GRM8: variants seen among roughly 807,000 people sequenced by gnomAD.
The protein encoded by GRM8 is metabotropic glutamate receptor 8.
A neutral mutation model predicts 87.2 loss-of-function variants in GRM8; 47 were observed. The ratio of observed to expected loss-of-function variants is 0.54; its 90% CI spans 0.43 to 0.69. The LOEUF (loss-of-function observed/expected upper bound fraction) is 0.69, where lower values mean the gene tolerates loss of function less well. GRM8 is among the 30% of genes least tolerant of loss of function. GRM8 has a pLI of 0.00. For synonymous variants in GRM8, 396 were observed against 404.5 expected, an observed-to-expected ratio of 0.98 and a Z score of 0.25; for missense variants, 1,019 against 1,139.2, an observed-to-expected ratio of 0.89 and a Z score of 1.52.
chr7:126,471,573 A>G (rs897575020), intron 9 of GRM8, among the ~76,000 whole-genome samples: 3 of 151,968 alleles, frequency 2.0e-5, no homozygotes, highest in Admixed American at 6.6e-5. Context: ...TACCAGTACC[A>G]TGCTTCTTTG....
At chr7:126,678,036 T>TA (rs1807171035) in intron 7 of GRM8, among the ~76,000 whole-genome samples, 1 of 152,210 alleles carries the variant, frequency 6.6e-6, no homozygotes, top group Non-Finnish European at 1.5e-5. Flanking sequence ...TGATGGTAGT[T>TA]ATGATGGTGT....
At chr7:126,861,073 A>T (rs1798096808) in intron 6 of GRM8, among the ~76,000 whole-genome samples, 1 of 152,098 alleles carries the variant, frequency 6.6e-6, no homozygotes, top group African/African-American at 2.4e-5. Context: ...ATTCCATACC[A>T]GCTAGCTATT....
chr7:126,796,140 G>A (rs1020996554), intron 6 of GRM8, among the ~76,000 whole-genome samples: 1 of 151,850 alleles, frequency 6.6e-6, no homozygotes, highest in African/African-American at 2.4e-5. Flanking sequence ...TCTTCATAAC[G>A]TACCTTTGTA....
chr7:126,499,827 T>A (rs1809369233), intron 9 of GRM8, among the ~76,000 whole-genome samples: 1 of 151,862 alleles, frequency 6.6e-6, no homozygotes, highest in Non-Finnish European at 1.5e-5. Flanking sequence ...AAGGAAATGT[T>A]GGTCAATTAG....
intron 9 of GRM8, among the ~76,000 whole-genome samples, chr7:126,497,458 C>T (rs1808931227): frequency 6.6e-6 from 1 of 151,904 alleles, no homozygotes. Context: ...CCTGAAGTTA[C>T]TAATTTCTAA....
chr7:126,467,610 T>C (rs1385401116), intron 9 of GRM8, among the ~76,000 whole-genome samples: 1 of 152,026 alleles, frequency 6.6e-6, no homozygotes, highest in African/African-American at 2.4e-5. Flanking sequence ...GTATAGTTAG[T>C]CTAGTTCCTT....
chr7:126,966,007 A>T (rs1809813040), intron 3 of GRM8, among the ~76,000 whole-genome samples: 1 of 152,160 alleles, frequency 6.6e-6, no homozygotes, highest in African/African-American at 2.4e-5. Flanking sequence ...AAAAAATATC[A>T]TTCAAATTAT....
chr7:127,138,375 C>A (rs1390793062), intron 2 of GRM8, among the ~76,000 whole-genome samples: 2 of 152,078 alleles, frequency 1.3e-5, no homozygotes, highest in African/African-American at 4.8e-5. Context: ...CCTTTCCATT[C>A]CCCACACAGG....
chr7:126,942,370 A>G (rs578142800), intron 3 of GRM8, among the ~76,000 whole-genome samples: 54 of 152,220 alleles, frequency 3.5e-4, no homozygotes, highest in African/African-American at 1.3e-3. Context: ...ACTTCAGACT[A>G]TGAAAGTTGC....
intron 2 of GRM8, among the ~76,000 whole-genome samples, chr7:127,147,920 C>G (rs1196919770): frequency 6.6e-6 from 1 of 152,036 alleles, no homozygotes; most frequent in East Asian, 1.9e-4. Flanking sequence ...GATAACCTAT[C>G]TACTATTGCC....
intron 9 of GRM8, among the ~76,000 whole-genome samples, chr7:126,479,260 G>A (rs13240582): frequency 0.31 from 46,913 of 151,942 alleles, 8,085 homozygotes; most frequent in Non-Finnish European, 0.37. Flanking sequence ...CAGAATTCAT[G>A]TATCCACTTA....
intron 2 of GRM8, among the ~76,000 whole-genome samples, chr7:127,208,819 C>T (rs1224263474): frequency 6.6e-6 from 1 of 152,206 alleles, no homozygotes; most frequent in East Asian, 1.9e-4. Flanking sequence ...TTGTAGCAGT[C>T]ACTTGTTTTC....
intron 6 of GRM8, among the ~76,000 whole-genome samples, chr7:126,796,998 C>T (rs961889142): frequency 3.3e-5 from 5 of 151,978 alleles, no homozygotes; most frequent in African/African-American, 7.3e-5. Flanking sequence ...ATCAGAAGTG[C>T]GCTGTTCTCT....
intron 8 of GRM8, among the ~76,000 whole-genome samples, chr7:126,581,161 A>C (rs1401625304): frequency 6.6e-6 from 1 of 151,852 alleles, no homozygotes; most frequent in Non-Finnish European, 1.5e-5. Context: ...TTTTAGAAAA[A>C]AATAAAAAAT....
At chr7:126,679,648 T>C (rs1807334521) in intron 7 of GRM8, among the ~76,000 whole-genome samples, 1 of 152,118 alleles carries the variant, frequency 6.6e-6, no homozygotes, top group African/African-American at 2.4e-5. Flanking sequence ...ACATGAGAAG[T>C]ACAAGATGCT....
intron 7 of GRM8, among the ~76,000 whole-genome samples, chr7:126,714,077 GC>G (rs1244466734): frequency 2.7e-5 from 4 of 150,670 alleles, no homozygotes; most frequent in Non-Finnish European, 3.0e-5. Flanking sequence ...TCCAAGTACA[GC>G]CTGGCCAACA....
At chr7:127,193,126 T>C (rs1014760572) in intron 2 of GRM8, among the ~76,000 whole-genome samples, 1 of 152,234 alleles carries the variant, frequency 6.6e-6, no homozygotes, top group Non-Finnish European at 1.5e-5. Context: ...CATATTTGAA[T>C]GTCCAGTTAT....
intron 9 of GRM8, among the ~76,000 whole-genome samples, chr7:126,458,588 T>C (rs1803534702): frequency 6.6e-6 from 1 of 151,300 alleles, no homozygotes; most frequent in Admixed American, 6.6e-5. Flanking sequence ...ATACAATATA[T>C]AATTAAGAAT....
intron 3 of GRM8, among the ~76,000 whole-genome samples, chr7:126,918,266 A>G (rs1186488635): frequency 2.0e-5 from 3 of 152,252 alleles, no homozygotes; most frequent in Non-Finnish European, 4.4e-5. Flanking sequence ...AAAACATTTC[A>G]TAAGTGAGAT....
Sources: allele counts gnomAD v4.1 joint callset (sites outside exome capture counted in the v4.1 genomes callset), GRCh38; gene constraint gnomAD v4.1.1; transcripts MANE v1.5; gene names NCBI Gene and HGNC (gene_info 2026-07-23, HGNC 2026-07-21).